The following SPTBN1 variants were observed in gnomAD, a reference collection of about 807,000 sequenced individuals.
SPTBN1 encodes the protein spectrin beta chain, non-erythrocytic 1.
In SPTBN1, 32 loss-of-function variants were observed where a neutral mutation model predicts 266.4. That is an observed-to-expected ratio of 0.12 (90% CI 0.09 to 0.16). SPTBN1 has a LOEUF of 0.16. Among genes scored for constraint, SPTBN1 ranks in the 10% least tolerant of loss-of-function variants. SPTBN1 has a pLI of 1.00. For missense variants in SPTBN1, 2,296 were observed against 3,067.1 expected (o/e 0.75, Z 5.94); for synonymous variants, 1,336 against 1,162.2 (o/e 1.15, Z -3.04).
At chr2:54,609,318 C>T (rs1407976995) in intron 3 of SPTBN1, among the ~76,000 whole-genome samples, 24 of 152,168 alleles carry the variant, frequency 1.6e-4, no homozygotes. Flanking sequence ...TCATGAAAAC[C>T]TTCACCCCTC....
At chr2:54,513,081 A>G (rs1490196103) in intron 1 of SPTBN1, among the ~76,000 whole-genome samples, 2 of 152,144 alleles carry the variant, frequency 1.3e-5, no homozygotes, top group African/African-American at 4.8e-5. Context: ...GGTTCCAGCT[A>G]CCAGGGAGGC....
In SPTBN1 at chr2:54,541,085, A is replaced by T. The variant is rs192389375; in HGVS notation, c.148+14519A>T. Among the ~76,000 whole-genome samples, 362 of 152,338 alleles carry T rather than the reference A, an allele frequency of 2.4e-3. 2 individuals carry two copies. Among genetic ancestry groups the T allele is most frequent in the African/African-American group, 7.7e-3 (322 of 41,582 alleles). On this transcript the variant is annotated intron_variant, in intron 2 of 35. Coordinates refer to ENST00000356805, the MANE Select transcript of SPTBN1 (RefSeq NM_003128.3). ...TGTTATTTAGCCAGTGTGGCTCTCCAGTTAGCTTTTACCTTTTTCTCTAGC... is the reference window on the plus strand; with the variant it reads ...TGTTATTTAGCCAGTGTGGCTCTCCTGTTAGCTTTTACCTTTTTCTCTAGC...
Position 54,622,494 on chromosome 2 carries a change from T to G in SPTBN1, c.1064+7T>G. 1 of 1,613,594 alleles carries G rather than the reference T, an allele frequency of 6.2e-7. No homozygotes were observed. The highest frequency in any genetic ancestry group is 8.5e-7 in the Non-Finnish European group (1 of 1,179,610). On this transcript the variant is annotated splice_region_variant and intron_variant, in intron 9 of 35. Transcript: ENST00000356805. ...CTGTGGAGAAACCACCCAAGTAAGATGCATATTGTAGTGTGATCATTAATA... is the reference window on the plus strand; with the variant it reads ...CTGTGGAGAAACCACCCAAGTAAGAGGCATATTGTAGTGTGATCATTAATA...
At chr2:54,557,750 G>A (rs1672970795) in intron 2 of SPTBN1, 2 of 985,274 alleles carry the variant, frequency 2.0e-6, no homozygotes, top group African/African-American at 1.7e-5. Context: ...ATAGGCCCGT[G>A]TTATTCCAGG....
intron 2 of SPTBN1, chr2:54,526,793 T>C (rs186379885): frequency 5.0e-6 from 2 of 397,308 alleles, no homozygotes; most frequent in East Asian, 8.2e-5. Flanking sequence ...GTGTTATTTA[T>C]AGCAATTCAA....
Position 54,644,353 on chromosome 2 carries a change from G to A in SPTBN1, c.4036G>A (p.Glu1346Lys). ...EGMQLISEKPETEAVVKEKLT... is the reference protein window; with the variant it reads ...EGMQLISEKPKTEAVVKEKLT... ...AATGCAGCTCATTTCAGAAAAGCCT[G>A]AGACGGAAGCTGTGGTGAAGGAGAA... Residue 1346 changes from glutamate to lysine, a missense_variant, in exon 20 of 36, where the codon GAG becomes AAG. Coordinates refer to ENST00000356805, the MANE Select transcript of SPTBN1 (RefSeq NM_003128.3). 6.2e-7 allele frequency: 1 copy of A among 1,612,668 alleles called. No individual in the cohort carries two copies. Among genetic ancestry groups the A allele is most frequent in the East Asian group, 2.2e-5 (1 of 44,838 alleles).
intron 2 of SPTBN1, among the ~76,000 whole-genome samples, chr2:54,571,560 C>G (rs993499927): frequency 1.4e-5 from 1 of 73,078 alleles, no homozygotes; most frequent in Non-Finnish European, 3.0e-5. Flanking sequence ...CACACACACA[C>G]ACACACACAC....
intron 1 of SPTBN1, among the ~76,000 whole-genome samples, chr2:54,472,780 A>G (rs1693996508): frequency 6.6e-6 from 1 of 152,214 alleles, no homozygotes; most frequent in Admixed American, 6.5e-5. Flanking sequence ...ATTTTTAAAA[A>G]TGCAGTATTT....
In SPTBN1 at chr2:54,664,874, C is replaced by T; in HGVS notation, c.6659+183C>T. 1.6e-6 allele frequency: 1 copy of T among 639,256 alleles called. No homozygotes were observed. The highest frequency in any genetic ancestry group is 2.6e-6 in the Non-Finnish European group (1 of 378,392). The allele number at this position is 639,256 out of a possible 1,614,324, so 39.6% of individuals were successfully genotyped here. Reference sequence around the variant, plus strand: ...GCAGGAGTAGAATGCTGGTTATTCACTGAGAGAAGAAGAGTTGAGTTTGGA... The same window carrying T: ...GCAGGAGTAGAATGCTGGTTATTCATTGAGAGAAGAAGAGTTGAGTTTGGA... On this transcript the variant is annotated intron_variant, in intron 33 of 35. Coordinates refer to ENST00000356805, the MANE Select transcript of SPTBN1 (RefSeq NM_003128.3). This position sits in a 1 kb window ranked among gnomAD's most constrained non-coding sequence, Gnocchi z 5.6.
At chr2:54,478,530 A>G (rs1216988380) in intron 1 of SPTBN1, among the ~76,000 whole-genome samples, 1 of 152,196 alleles carries the variant, frequency 6.6e-6, no homozygotes, top group Non-Finnish European at 1.5e-5. Context: ...TAGTACATCC[A>G]CATGATTGTA....
In SPTBN1 at chr2:54,668,776, A is replaced by C. The variant is rs1681556418; in HGVS notation, c.*207A>C. 3 of 513,072 alleles carry C rather than the reference A, an allele frequency of 5.8e-6. No individual in the cohort carries two copies. In the East Asian group the frequency reaches 1.0e-4, roughly 18 times the overall value. 31.8% of individuals were successfully genotyped at this position (513,072 alleles called of 1,614,324 possible). A position where few individuals can be genotyped will look rare whatever the true frequency, so the allele number is the denominator to read the frequency against. On this transcript the variant is annotated 3_prime_UTR_variant, in exon 36 of 36. Transcript: ENST00000356805. ...CAAGTTACAAAAGTTTGAGGTGCAG[A>C]GGGAAGGCCAGATTTTTTTTTTAAT...
In SPTBN1 at chr2:54,659,244, G is replaced by A. The variant is rs1572773432; in HGVS notation, c.6334G>A (p.Glu2112Lys). The change falls in exon 31 of 36, where the codon GAA becomes AAA. Residue 2112 changes from glutamate (E) to lysine (K), a missense_variant. By Grantham distance (56) the Glu-to-Lys change is moderately conservative (BLOSUM62 1). Around this residue, in one of 12 missense-constraint regions of SPTBN1, gnomAD observed 347 missense variants for 368.5 expected, o/e 0.94. Coordinates refer to ENST00000356805, the MANE Select transcript of SPTBN1 (RefSeq NM_003128.3). ...CGAGCCGAGCACGAAGGTTTCAGAG[G>A]AAGCCGAGTCCCAGCAGCAGTGGTG... ...SPEPSTKVSE[E>K]AESQQQWDTS... 2 of 1,614,088 alleles carry A rather than the reference G, an allele frequency of 1.2e-6. No homozygotes were observed. Among genetic ancestry groups the A allele is most frequent in the Non-Finnish European group, 1.7e-6 (2 of 1,180,002 alleles).
chr2:54,594,133 C>G (rs553282998), intron 2 of SPTBN1, among the ~76,000 whole-genome samples: 1 of 152,170 alleles, frequency 6.6e-6, no homozygotes, highest in South Asian at 2.1e-4. Context: ...CTGGCAGAAA[C>G]ACTTTTTTAA....
intron 1 of SPTBN1, among the ~76,000 whole-genome samples, chr2:54,522,082 G>A (rs7574433): frequency 0.051 from 7,683 of 150,110 alleles, 610 homozygotes; most frequent in African/African-American, 0.17. Context: ...TTTTATTTTT[G>A]TGGAGATGGG....
At chr2:54,602,966 A>T (rs1333483761) in intron 3 of SPTBN1, among the ~76,000 whole-genome samples, 1 of 152,190 alleles carries the variant, frequency 6.6e-6, no homozygotes, top group Non-Finnish European at 1.5e-5. Flanking sequence ...CGTCATTTGT[A>T]TGGGAGAATT....
chr2:54,461,231 TCA>T (rs1491582192), intron 1 of SPTBN1, among the ~76,000 whole-genome samples: 1 of 152,254 alleles, frequency 6.6e-6, no homozygotes, highest in East Asian at 1.9e-4. Flanking sequence ...TTCTTCTGAC[TCA>T]CATATTTAGA....
intron 29 of SPTBN1, 150 bp from the exon 30 acceptor site, chr2:54,657,700 C>T (rs1327750800): frequency 5.7e-6 from 5 of 879,556 alleles, no homozygotes; most frequent in Non-Finnish European, 3.4e-6. Flanking sequence ...GCTCACATTA[C>T]ATTTACATTG....
intron 2 of SPTBN1, among the ~76,000 whole-genome samples, chr2:54,560,823 ATGG>A (rs1558840889): frequency 6.6e-6 from 1 of 152,190 alleles, no homozygotes; most frequent in African/African-American, 2.4e-5. Flanking sequence ...ACTTTCAAGT[ATGG>A]TGGACCTCAG....
chr2:54,561,442 G>GTT (rs10682626), intron 2 of SPTBN1, among the ~76,000 whole-genome samples: 121,359 of 151,998 alleles, frequency 0.8, 49,119 homozygotes, highest in African/African-American at 0.93. Flanking sequence ...CCTGTACTGG[G>GTT]TTTAATGCCT....
Sources: allele counts gnomAD v4.1 joint callset (sites outside exome capture counted in the v4.1 genomes callset), GRCh38; gene constraint gnomAD v4.1.1; regional missense constraint gnomAD v4.1.1; non-coding constraint Gnocchi (gnomAD v3.1); transcripts MANE v1.5; gene names NCBI Gene and HGNC (gene_info 2026-07-23, HGNC 2026-07-21).